Variants in SLC22A17 observed in about 807,000 individuals in gnomAD.
The protein encoded by SLC22A17 is 24p3 receptor.
Under a neutral mutation model 53.6 loss-of-function variants are expected in SLC22A17, and 38 were observed. That is an observed-to-expected ratio of 0.71 (90% CI 0.55 to 0.93). SLC22A17 has a LOEUF of 0.93. SLC22A17 is among the 40% of genes least tolerant of loss of function. The pLI is 0.00. For missense variants in SLC22A17, 704 were observed against 791.0 expected (o/e 0.89, Z 1.32); for synonymous variants, 379 against 353.0 (o/e 1.07, Z -0.82).
chr14:23,349,444 CT>C lies in SLC22A17; in HGVS notation c.705-19del, dbSNP rs752526115. The C allele has an allele frequency of 1.9e-6, 3 of 1,605,210 alleles. No homozygotes were observed. Among genetic ancestry groups the C allele is most frequent in the Non-Finnish European group, 8.5e-7 (1 of 1,175,662 alleles). Reference sequence around the variant, plus strand: ...GGCCAAATCTAGAAAGTGGGAAGGGCTTCTGGTCACCCAGACTCTCTGGTGG... The same window carrying C: ...GGCCAAATCTAGAAAGTGGGAAGGGCTCTGGTCACCCAGACTCTCTGGTGG... On this transcript the variant is annotated intron_variant, in intron 3 of 9. Coordinates refer to ENST00000397267, the Ensembl canonical transcript of SLC22A17.
chr14:23,348,681 C>G lies in SLC22A17; in HGVS notation c.860-10G>C. Reference sequence around the variant, plus strand: ...TCGCACAGCTCCAGGCCTGGAGATACAGCAGGGGTGGAGAGAGGAGAGGGA... The same window carrying G: ...TCGCACAGCTCCAGGCCTGGAGATAGAGCAGGGGTGGAGAGAGGAGAGGGA... On this transcript the variant is annotated splice_polypyrimidine_tract_variant and intron_variant, in intron 4 of 9. Coordinates refer to ENST00000397267, the Ensembl canonical transcript of SLC22A17. This position sits in a 1 kb window ranked among gnomAD's most constrained non-coding sequence, Gnocchi z 4.5. 6.2e-7 allele frequency: 1 copy of G among 1,603,918 alleles called. No individual in the cohort carries two copies. Among genetic ancestry groups the G allele is most frequent in the Non-Finnish European group, 8.5e-7 (1 of 1,175,268 alleles).
Position 23,347,504 on chromosome 14 carries a change from G to C in SLC22A17, c.1505C>G (p.Pro502Arg). The C allele has an allele frequency of 6.2e-7, 1 of 1,614,002 alleles. No homozygotes were observed. The highest frequency in any genetic ancestry group is 1.1e-5 in the South Asian group (1 of 91,072). ...TTGAGCCCACACTGTGGGGAAGATAGGATGCTCACAATCCCACAGGCCCAG... is the reference window on the plus strand; with the variant it reads ...TTGAGCCCACACTGTGGGGAAGATACGATGCTCACAATCCCACAGGCCCAG... Residue 502 changes from proline to arginine, a missense_variant, in exon 8 of 10, where the codon CCT becomes CGT. Coordinates refer to ENST00000397267, the Ensembl canonical transcript of SLC22A17. This position sits in a 1 kb window ranked among gnomAD's most constrained non-coding sequence, Gnocchi z 5.1.
chr14:23,348,234 C>T lies in SLC22A17; in HGVS notation c.1098G>A (p.Val366=). Reference sequence around the variant, plus strand: ...GGTTTCGCTCAGCCAGGATCCTCAGCACAGACTGAGCCTCCTCAATCTGCC... The same window carrying T: ...GGTTTCGCTCAGCCAGGATCCTCAGTACAGACTGAGCCTCCTCAATCTGCC... Residue 366 remains valine (V), a synonymous_variant, in exon 6 of 10, where the codon GTG becomes GTA. Transcript: ENST00000397267. The surrounding 1 kb of genome is among the most constrained non-coding windows in gnomAD (Gnocchi z 4.5). The T allele has an allele frequency of 6.2e-7, 1 of 1,614,140 alleles. No individual in the cohort carries two copies. Among genetic ancestry groups the T allele is most frequent in the Non-Finnish European group, 8.5e-7 (1 of 1,180,014 alleles).
Position 23,347,594 on chromosome 14 carries a change from C to T in SLC22A17, c.1415G>A (p.Arg472Gln), listed in dbSNP as rs774606059. The T allele has an allele frequency of 2.0e-5, 33 of 1,613,900 alleles. No individual in the cohort carries two copies. Among genetic ancestry groups the T allele is most frequent in the Middle Eastern group, 3.3e-4 (2 of 6,084 alleles). The stretch of plus-strand genomic sequence containing the variant: ...AAGAAGGATGCCCCGGCGGCCAAAT[C>T]GGTCCACGGTGACCCCCAGGAAGAC... The change falls in exon 8 of 10, where the codon CGA becomes CAA. Residue 472 changes from arginine to glutamine, a missense_variant. By Grantham distance (43) the Arg-to-Gln change is conservative (BLOSUM62 1). This residue lies in a region of SLC22A17 where 435 missense variants were observed against 529.0 expected (regional missense o/e 0.82). Transcript: ENST00000397267. This position sits in a 1 kb window ranked among gnomAD's most constrained non-coding sequence, Gnocchi z 5.1.
Position 23,351,763 on chromosome 14 carries a change from G to T in SLC22A17, c.693C>A (p.Tyr231Ter). 1 of 1,613,044 alleles carries T rather than the reference G, an allele frequency of 6.2e-7. No individual in the cohort carries two copies. The change falls in exon 3 of 10, where the codon TAC becomes TAA. Residue 231 changes from tyrosine to a stop codon, truncating the protein, a stop_gained. Transcript: ENST00000397267. LOFTEE classifies it high-confidence loss of function. ...ACGACAGCCCTCACCTGTCTGCGGG[G>T]TAACCCAGGAACAGGTAGCCGGAGG... is the stretch of plus-strand genomic sequence containing the variant.
rs1199421868 is a variant in SLC22A17, at chr14:23,347,717, G to T, written c.1292C>A (p.Ala431Asp). 6.2e-7 allele frequency: 1 copy of T among 1,613,626 alleles called. No individual in the cohort carries two copies. The highest frequency in any genetic ancestry group is 8.5e-7 in the Non-Finnish European group (1 of 1,179,906). The change falls in exon 8 of 10, where the codon GCC becomes GAC. Residue 431 changes from alanine to aspartate, a missense_variant. Coordinates refer to ENST00000397267, the Ensembl canonical transcript of SLC22A17. The surrounding 1 kb of genome is among the most constrained non-coding windows in gnomAD (Gnocchi z 5.1). ...CACAGGCTGGTAGCAGTGGCGAATG[G>T]CATGGGCAATGAAGCTGTGAGAAGG...
chr14:23,347,109 G>A lies in SLC22A17; in HGVS notation c.1653C>T (p.Thr551=). The change falls in exon 9 of 10, where the codon ACC becomes ACT. Residue 551 remains threonine (T), a synonymous_variant. Transcript: ENST00000397267. The surrounding 1 kb of genome is among the most constrained non-coding windows in gnomAD (Gnocchi z 5.1). ...GGCACCCCTGCTCTCACCGGACAGTGGTGGGGATGACCTCAGCAGCAAGGA... is the reference window on the plus strand; with the variant it reads ...GGCACCCCTGCTCTCACCGGACAGTAGTGGGGATGACCTCAGCAGCAAGGA... The A allele has an allele frequency of 1.9e-6, 3 of 1,613,010 alleles. No individual in the cohort carries two copies. The highest frequency in any genetic ancestry group is 2.2e-5 in the South Asian group (2 of 90,952).
Position 23,348,402 on chromosome 14 carries a change from G to C in SLC22A17, c.1026-96C>G. 6.3e-7 allele frequency: 1 copy of C among 1,583,040 alleles called. No homozygotes were observed. The highest frequency in any genetic ancestry group is 8.6e-7 in the Non-Finnish European group (1 of 1,160,820). On this transcript the variant is annotated intron_variant, in intron 5 of 9. Coordinates refer to ENST00000397267, the Ensembl canonical transcript of SLC22A17. This position sits in a 1 kb window ranked among gnomAD's most constrained non-coding sequence, Gnocchi z 4.5. Reference sequence around the variant, plus strand: ...CTCTGAGGGACTGGGGCTGGGGTAGGCCTGGACCAGGGGTAGTTGGAGAAG... The same window carrying C: ...CTCTGAGGGACTGGGGCTGGGGTAGCCCTGGACCAGGGGTAGTTGGAGAAG...
At chr14:23,349,874 G>C in intron 3 of SLC22A17, 1 of 177,616 alleles carries the variant, frequency 5.6e-6, no homozygotes, top group Admixed American at 5.4e-5. Context: ...CCTGTGGAGG[G>C]GAGGCCATTG....
At chr14:23,346,797 T>C (rs1477455828) in exon 10 of SLC22A17, 1 of 1,542,576 alleles carries the variant, frequency 6.5e-7, no homozygotes, top group African/African-American at 1.4e-5. Context: ...AGCAGCATAA[T>C]GCTGAGAATG....
intron 4 of SLC22A17, 80 bp downstream of exon 4, chr14:23,349,192 G>C: frequency 6.4e-7 from 1 of 1,571,348 alleles, no homozygotes; most frequent in Non-Finnish European, 8.8e-7. Context: ...TGTGGCCTAG[G>C]GGGCAGTGAG....
exon 10 of SLC22A17, chr14:23,346,646 G>A (rs761680421): frequency 2.6e-5 from 38 of 1,482,568 alleles, no homozygotes; most frequent in Middle Eastern, 2.0e-4. Flanking sequence ...CTCAGAGGCC[G>A]CTCAGAGGGC....
chr14:23,352,049 C>A lies in SLC22A17; in HGVS notation c.499G>T (p.Asp167Tyr). 1.9e-6 allele frequency: 3 copies of A among 1,607,126 alleles called. No homozygotes were observed. The highest frequency in any genetic ancestry group is 2.5e-6 in the Non-Finnish European group (3 of 1,177,094). Reference sequence around the variant, plus strand: ...GGGGCGAAGCCGCTGCACGAGGGGTCGGTACTGGTGGCGACACGGCTGGCG... The same window carrying A: ...GGGGCGAAGCCGCTGCACGAGGGGTAGGTACTGGTGGCGACACGGCTGGCG... Residue 167 changes from aspartate (D) to tyrosine (Y), a missense_variant, in exon 2 of 10, where the codon GAC (aspartate) becomes TAC (tyrosine). Coordinates refer to ENST00000397267, the Ensembl canonical transcript of SLC22A17. The surrounding 1 kb of genome is among the most constrained non-coding windows in gnomAD (Gnocchi z 7.2).
intron 4 of SLC22A17, 101 bp downstream of exon 4, chr14:23,349,170 AG>A: frequency 6.9e-7 from 1 of 1,450,808 alleles, no homozygotes; most frequent in Non-Finnish European, 9.7e-7. Flanking sequence ...CTGAGATTCT[AG>A]GCAGCTGAAA....
In SLC22A17 at chr14:23,347,366, G is replaced by A; in HGVS notation, c.1549+94C>T. On this transcript the variant is annotated intron_variant, in intron 8 of 9. Coordinates refer to ENST00000397267, the Ensembl canonical transcript of SLC22A17. This position sits in a 1 kb window ranked among gnomAD's most constrained non-coding sequence, Gnocchi z 5.1. ...ACTGGGAGAGCAGATGGGGCTGTGGGGCCAGGTGGAGGCTCGTGGAAGAGC... is the reference window on the plus strand; with the variant it reads ...ACTGGGAGAGCAGATGGGGCTGTGGAGCCAGGTGGAGGCTCGTGGAAGAGC... 3.3e-6 allele frequency: 5 copies of A among 1,528,120 alleles called. No individual in the cohort carries two copies. The South Asian group carries it at 5.1e-5, about 16-fold the overall frequency. 94.7% of individuals were successfully genotyped at this position (1,528,120 alleles called of 1,614,324 possible).
chr14:23,352,495 A>T lies in SLC22A17; in HGVS notation c.97-44T>A, dbSNP rs1889705685. ...TGGCAGGAGAAGGGTGAAGCGGAGGAAACCGCAGAGCAAGGGCAGGGGGCA... is the reference window on the plus strand; with the variant it reads ...TGGCAGGAGAAGGGTGAAGCGGAGGTAACCGCAGAGCAAGGGCAGGGGGCA... On this transcript the variant is annotated intron_variant, in intron 1 of 9. Transcript: ENST00000397267. This position sits in a 1 kb window ranked among gnomAD's most constrained non-coding sequence, Gnocchi z 7.2. 4 of 427,404 alleles carry T rather than the reference A, an allele frequency of 9.4e-6. No individual in the cohort carries two copies. Among genetic ancestry groups the T allele is most frequent in the Non-Finnish European group, 1.6e-5 (4 of 245,048 alleles). 26.5% of individuals were successfully genotyped at this position (427,404 alleles called of 1,614,324 possible). A position where few individuals can be genotyped will look rare whatever the true frequency, so the allele number is the denominator to read the frequency against.
In SLC22A17 at chr14:23,349,059, A is replaced by G. The variant is rs1056892847; in HGVS notation, c.859+213T>C. On this transcript the variant is annotated intron_variant, in intron 4 of 9. Transcript: ENST00000397267. ...TAGCACCTTATTCCTTGGCAGCAGT[A>G]AGTCCAGGACAAAGACTTTAAAGAT... 1.2e-5 allele frequency: 8 copies of G among 642,842 alleles called. No homozygotes were observed. The African/African-American group carries it at 1.3e-4, about 10-fold the overall frequency. The allele number at this position is 642,842 out of a possible 1,614,324, so 39.8% of individuals were successfully genotyped here. A position where few individuals can be genotyped will look rare whatever the true frequency, so the allele number is the denominator to read the frequency against.
In SLC22A17 at chr14:23,348,840, A is replaced by G. The variant is rs750816143; in HGVS notation, c.860-169T>C. 7.1e-6 allele frequency: 5 copies of G among 702,300 alleles called. No homozygotes were observed. The highest frequency in any genetic ancestry group is 1.2e-5 in the Non-Finnish European group (5 of 432,764). The allele number at this position is 702,300 out of a possible 1,614,324, so 43.5% of individuals were successfully genotyped here. ...CCTCTGGGTGGCAAGGACTGGGGAG[A>G]CTGTTCAGCCCTCTCTCCTCTCCTG... On this transcript the variant is annotated intron_variant, in intron 4 of 9. Transcript: ENST00000397267. The surrounding 1 kb of genome is among the most constrained non-coding windows in gnomAD (Gnocchi z 4.5).
Position 23,349,443 on chromosome 14 carries a change from G to A in SLC22A17, c.705-17C>T. Reference sequence around the variant, plus strand: ...CGGCCAAATCTAGAAAGTGGGAAGGGCTTCTGGTCACCCAGACTCTCTGGT... The same window carrying A: ...CGGCCAAATCTAGAAAGTGGGAAGGACTTCTGGTCACCCAGACTCTCTGGT... On this transcript the variant is annotated splice_polypyrimidine_tract_variant and intron_variant, in intron 3 of 9. Transcript: ENST00000397267. 6.2e-7 allele frequency: 1 copy of A among 1,606,058 alleles called. No homozygotes were observed. Among genetic ancestry groups the A allele is most frequent in the Non-Finnish European group, 8.5e-7 (1 of 1,176,070 alleles).
Sources: allele counts gnomAD v4.1 joint callset, GRCh38; gene constraint gnomAD v4.1.1; regional missense constraint gnomAD v4.1.1; non-coding constraint Gnocchi (gnomAD v3.1); transcripts MANE v1.5; gene names NCBI Gene and HGNC (gene_info 2026-07-23, HGNC 2026-07-21).